Variants in DLG1 observed in about 807,000 individuals in gnomAD.
DLG1 encodes the protein disks large homolog 1.
A neutral mutation model predicts 123.4 loss-of-function variants in DLG1; 42 were observed. That is an observed-to-expected ratio of 0.34 (90% CI 0.27 to 0.44). DLG1 has a LOEUF of 0.44. Ranked by LOEUF, DLG1 falls within the 20% of genes least tolerant of loss-of-function variation. The probability of loss-of-function intolerance (pLI) is 1.00; values close to 1 mark genes in which losing one functional copy is unlikely to be tolerated. For synonymous variants in DLG1, 317 were observed against 356.2 expected (o/e 0.89, Z 1.24); for missense variants, 942 against 1,082.6 (o/e 0.87, Z 1.82).
intron 4 of DLG1, among the ~76,000 whole-genome samples, chr3:197,204,553 T>C (rs571824126): frequency 2.6e-5 from 4 of 152,328 alleles, no homozygotes; most frequent in South Asian, 2.1e-4. Flanking sequence ...AATTAAACTA[T>C]TGCCTGTGGT....
At chr3:197,155,524 T>C (rs887373655) in intron 5 of DLG1, among the ~76,000 whole-genome samples, 2 of 151,986 alleles carry the variant, frequency 1.3e-5, no homozygotes, top group Admixed American at 6.6e-5. Flanking sequence ...GGTAAATACA[T>C]AGGTAATAAT....
At chr3:197,184,055 T>C (rs965624138) in intron 5 of DLG1, 7 of 1,272,892 alleles carry the variant, frequency 5.5e-6, no homozygotes, top group Admixed American at 3.9e-5. Context: ...AAAGACGACA[T>C]AAGGTGGATT....
intron 3 of DLG1, among the ~76,000 whole-genome samples, chr3:197,289,632 T>G (rs1445633243): frequency 6.6e-6 from 1 of 152,148 alleles, no homozygotes; most frequent in Non-Finnish European, 1.5e-5. Context: ...ATTCAGACAA[T>G]ACCCAATTGA....
intron 4 of DLG1, among the ~76,000 whole-genome samples, chr3:197,281,304 G>C (rs1002919518): frequency 6.6e-6 from 1 of 152,136 alleles, no homozygotes; most frequent in Admixed American, 6.5e-5. Context: ...CTCCCAAAGT[G>C]CTGGGATTAT....
chr3:197,290,895 A>G (rs1351395137), intron 3 of DLG1, among the ~76,000 whole-genome samples: 2 of 101,726 alleles, frequency 2.0e-5, no homozygotes, highest in East Asian at 6.4e-4. Flanking sequence ...GTCTCCAAAT[A>G]GTAAAAAAAA....
intron 4 of DLG1, among the ~76,000 whole-genome samples, chr3:197,271,551 C>T (rs1195184871): frequency 1.3e-5 from 2 of 152,196 alleles, no homozygotes; most frequent in African/African-American, 2.4e-5. Flanking sequence ...AGACACCTAA[C>T]AATCAAATGC....
At chr3:197,253,802 G>A (rs1755581495) in intron 4 of DLG1, among the ~76,000 whole-genome samples, 1 of 152,030 alleles carries the variant, frequency 6.6e-6, no homozygotes, top group African/African-American at 2.4e-5. Flanking sequence ...CCTGGTTAGT[G>A]ATACTATGCT....
chr3:197,150,104 TA>T (rs1793132470), intron 5 of DLG1, among the ~76,000 whole-genome samples: 1 of 152,170 alleles, frequency 6.6e-6, no homozygotes, highest in Non-Finnish European at 1.5e-5. Context: ...GTGTAACCAA[TA>T]ACTCTTCCTA....
chr3:197,122,629 T>A (rs1306203229), intron 11 of DLG1, among the ~76,000 whole-genome samples: 2 of 152,140 alleles, frequency 1.3e-5, no homozygotes, highest in Non-Finnish European at 2.9e-5. Context: ...AAACAGATAT[T>A]TCCTATATAT....
intron 10 of DLG1, among the ~76,000 whole-genome samples, chr3:197,133,971 A>G (rs1783895695): frequency 6.6e-6 from 1 of 152,236 alleles, no homozygotes; most frequent in Non-Finnish European, 1.5e-5. Context: ...ACTTGCCACA[A>G]TGGTATCAGC....
intron 14 of DLG1, among the ~76,000 whole-genome samples, chr3:197,097,713 T>G (rs905817341): frequency 1.3e-5 from 2 of 151,750 alleles, no homozygotes; most frequent in African/African-American, 4.8e-5. Flanking sequence ...CCTGAGTAGC[T>G]GGGATTACAG....
chr3:197,183,251 T>C (rs1713554535), intron 5 of DLG1, among the ~76,000 whole-genome samples: 1 of 152,230 alleles, frequency 6.6e-6, no homozygotes, highest in South Asian at 2.1e-4. Context: ...TCAGACATCA[T>C]ACTCTACAGC....
chr3:197,242,787 T>C (rs1056758223), intron 4 of DLG1, among the ~76,000 whole-genome samples: 6 of 152,136 alleles, frequency 3.9e-5, no homozygotes, highest in South Asian at 2.1e-4. Flanking sequence ...AGCAGGTTTA[T>C]GGCAATAAAC....
At chr3:197,288,443 C>G (rs1772979506) in intron 3 of DLG1, among the ~76,000 whole-genome samples, 1 of 150,530 alleles carries the variant, frequency 6.6e-6, no homozygotes, top group African/African-American at 2.4e-5. Context: ...CGAATCTGGC[C>G]AGGCACAGTG....
At chr3:197,095,234 T>C (rs2149220634) in intron 14 of DLG1, among the ~76,000 whole-genome samples, 1 of 152,330 alleles carries the variant, frequency 6.6e-6, no homozygotes, top group South Asian at 2.1e-4. Context: ...TTCCTACAGA[T>C]ATTTTCCTAT....
chr3:197,164,551 C>T (rs563550001), intron 5 of DLG1, among the ~76,000 whole-genome samples: 10 of 151,998 alleles, frequency 6.6e-5, no homozygotes, highest in African/African-American at 1.4e-4. Flanking sequence ...TTTGGTAAAT[C>T]GTGGAATATT....
At chr3:197,283,714 C>T (rs941434688) in intron 3 of DLG1, among the ~76,000 whole-genome samples, 4 of 152,050 alleles carry the variant, frequency 2.6e-5, no homozygotes, top group African/African-American at 9.7e-5. Context: ...TGGGCATTAC[C>T]CTGTATAGAA....
At chr3:197,260,901 G>C (rs1759124389) in intron 4 of DLG1, among the ~76,000 whole-genome samples, 1 of 151,308 alleles carries the variant, frequency 6.6e-6, no homozygotes, top group African/African-American at 2.4e-5. Flanking sequence ...GGTTTTTTGA[G>C]AAGGGGAGCA....
intron 17 of DLG1, chr3:197,080,797 G>A: frequency 6.6e-6 from 2 of 303,876 alleles, no homozygotes; most frequent in Non-Finnish European, 1.2e-5. Flanking sequence ...ATCGAATGAA[G>A]GTCAAATACA....
Sources: gnomAD v4.1 joint callset for allele counts (sites outside exome capture counted in the v4.1 genomes callset) on GRCh38, gnomAD v4.1.1 for gene constraint, MANE v1.5 for transcripts, NCBI Gene and HGNC (gene_info 2026-07-23, HGNC 2026-07-21) for gene names.